The following FSTL4 variants were observed in gnomAD, a reference collection of about 807,000 sequenced individuals.
FSTL4 encodes the protein follistatin like 4.
A neutral mutation model predicts 78.2 loss-of-function variants in FSTL4; 28 were observed. The ratio of observed to expected loss-of-function variants is 0.36; its 90% CI spans 0.27 to 0.49. The LOEUF (loss-of-function observed/expected upper bound fraction) is 0.49, where lower values mean the gene tolerates loss of function less well. Among genes scored for constraint, FSTL4 ranks in the 20% least tolerant of loss-of-function variants. The probability of loss-of-function intolerance (pLI) is 0.98; values close to 1 mark genes in which losing one functional copy is unlikely to be tolerated. For missense variants in FSTL4, 922 were observed against 1,084.9 expected, an observed-to-expected ratio of 0.85 and a Z score of 2.11; for synonymous variants, 422 against 440.5, an observed-to-expected ratio of 0.96 and a Z score of 0.53.
Position 133,339,699 on chromosome 5 carries a change from C to T in FSTL4, c.410-23047G>A, listed in dbSNP as rs370205657. 7.9e-5 allele frequency among the ~76,000 whole-genome samples: 12 copies of T among 152,298 alleles called. 1 individual carries two copies. The South Asian group carries it at 1.5e-3, about 18-fold the overall frequency. On this transcript the variant is annotated intron_variant, in intron 4 of 15. Coordinates refer to ENST00000265342, the MANE Select transcript of FSTL4 (RefSeq NM_015082.2). ...TGAGTCCAGGCTGCCATAGGACAGC[C>T]CCTTGGTAAACTGAACAAGAATACT...
the FSTL4 span, among the ~76,000 whole-genome samples, chr5:133,668,451 T>G: frequency 1.3e-5 from 2 of 152,228 alleles, no homozygotes; most frequent in Non-Finnish European, 1.5e-5. Context: ...AAGAGAGAAG[T>G]ACCTTCTCAG....
chr5:133,280,784 C>A (rs561341695), intron 6 of FSTL4, among the ~76,000 whole-genome samples: 3 of 152,356 alleles, frequency 2.0e-5, no homozygotes, highest in Non-Finnish European at 4.4e-5. Flanking sequence ...CACATTCCAG[C>A]CACGCTGGCC....
At chr5:133,594,494 G>T (rs1254231611) in intron 2 of FSTL4, among the ~76,000 whole-genome samples, 1 of 152,206 alleles carries the variant, frequency 6.6e-6, no homozygotes, top group Non-Finnish European at 1.5e-5. Flanking sequence ...CACCCGGCCA[G>T]AAGCCTGCTC....
intron 1 of FSTL4, among the ~76,000 whole-genome samples, chr5:133,604,583 C>T (rs952795336): frequency 5.3e-5 from 8 of 152,126 alleles, no homozygotes; most frequent in African/African-American, 1.9e-4. Context: ...GTAGCAGGCA[C>T]CTGTAATTCC....
At chr5:133,596,650 T>C (rs1294062277) in intron 2 of FSTL4, among the ~76,000 whole-genome samples, 1 of 151,960 alleles carries the variant, frequency 6.6e-6, no homozygotes, top group Admixed American at 6.6e-5. Flanking sequence ...ATCAAGCAGG[T>C]AGACAGGTGC....
At chr5:133,240,461 C>T (rs1259132605) in intron 7 of FSTL4, among the ~76,000 whole-genome samples, 1 of 152,164 alleles carries the variant, frequency 6.6e-6, no homozygotes, top group Non-Finnish European at 1.5e-5. Flanking sequence ...TGTGAGCAAC[C>T]TGGAGTGGGC....
At chr5:133,746,542 C>CA in the FSTL4 span, among the ~76,000 whole-genome samples, 4 of 152,152 alleles carry the variant, frequency 2.6e-5, no homozygotes, top group East Asian at 7.7e-4. Context: ...TGAGGGGACT[C>CA]ACTCTGGATA....
chr5:133,270,544 G>A (rs892797721), intron 6 of FSTL4, among the ~76,000 whole-genome samples: 1 of 152,208 alleles, frequency 6.6e-6, no homozygotes, highest in African/African-American at 2.4e-5. Context: ...GACTAAATTT[G>A]ATAGGACGTG....
At chr5:133,825,119 T>G in the FSTL4 span, among the ~76,000 whole-genome samples, 1 of 152,162 alleles carries the variant, frequency 6.6e-6, no homozygotes, top group Non-Finnish European at 1.5e-5. Flanking sequence ...AGGGACTCAG[T>G]GCCTCGCTGC....
Position 133,249,400 on chromosome 5 carries a change from G to A in FSTL4, c.894+10C>T, listed in dbSNP as rs747008659. The A allele has an allele frequency of 1.8e-5, 29 of 1,611,256 alleles. No homozygotes were observed. The highest frequency in any genetic ancestry group is 2.2e-5 in the Non-Finnish European group (26 of 1,177,506). On this transcript the variant is annotated intron_variant, in intron 7 of 15. Transcript: ENST00000265342. Reference sequence around the variant, plus strand: ...GCGCTTGAGCTCAGAGTGAATTCCAGGTGACTTACATTGATGTCTTCCAAG... The same window carrying A: ...GCGCTTGAGCTCAGAGTGAATTCCAAGTGACTTACATTGATGTCTTCCAAG...
chr5:133,245,107 G>T (rs34271117), intron 7 of FSTL4, among the ~76,000 whole-genome samples: 1 of 140,196 alleles, frequency 7.1e-6, no homozygotes, highest in South Asian at 2.3e-4. Context: ...GTGACAGAGA[G>T]AGACCCTACT....
At chr5:133,816,947 T>G in the FSTL4 span, among the ~76,000 whole-genome samples, 1 of 152,166 alleles carries the variant, frequency 6.6e-6, no homozygotes, top group South Asian at 2.1e-4. Flanking sequence ...TAAAGACTGC[T>G]GTACTCCAGG....
intron 4 of FSTL4, among the ~76,000 whole-genome samples, chr5:133,345,707 C>T (rs1754684017): frequency 6.6e-6 from 1 of 152,120 alleles, no homozygotes. Flanking sequence ...CATCTTACAC[C>T]AGTTAGAATG....
chr5:133,270,533 G>A (rs555610753), intron 6 of FSTL4, among the ~76,000 whole-genome samples: 1 of 152,284 alleles, frequency 6.6e-6, no homozygotes, highest in East Asian at 1.9e-4. Flanking sequence ...AATACATTCC[G>A]GACTAAATTT....
intron 1 of FSTL4, among the ~76,000 whole-genome samples, chr5:133,608,055 T>G (rs548703120): frequency 1.3e-5 from 2 of 152,200 alleles, no homozygotes; most frequent in East Asian, 3.9e-4. Context: ...CTCCTCAAAT[T>G]CAAATAGTCC....
intron 3 of FSTL4, among the ~76,000 whole-genome samples, chr5:133,454,930 T>G (rs992931205): frequency 6.6e-6 from 1 of 152,244 alleles, no homozygotes; most frequent in African/African-American, 2.4e-5. Flanking sequence ...TTTTCTCTGT[T>G]GACAATCTCC....
At chr5:133,286,398 T>C (rs925080684) in intron 6 of FSTL4, among the ~76,000 whole-genome samples, 13 of 152,212 alleles carry the variant, frequency 8.5e-5, no homozygotes, top group Non-Finnish European at 2.9e-5. Flanking sequence ...CATTCAGGCA[T>C]GTAAAAACAC....
intron 3 of FSTL4, among the ~76,000 whole-genome samples, chr5:133,434,392 A>C (rs1332444756): frequency 6.6e-6 from 1 of 152,232 alleles, no homozygotes; most frequent in South Asian, 2.1e-4. Flanking sequence ...ATCTGGAAGT[A>C]GTTTTATATC....
At chr5:133,398,292 C>T (rs1756126512) in intron 4 of FSTL4, among the ~76,000 whole-genome samples, 1 of 152,196 alleles carries the variant, frequency 6.6e-6, no homozygotes, top group East Asian at 1.9e-4. Context: ...ACCAGGACTA[C>T]AGCTGACCCT....
Sources: gnomAD v4.1 joint callset for allele counts (sites outside exome capture counted in the v4.1 genomes callset) on GRCh38, gnomAD v4.1.1 for gene constraint, MANE v1.5 for transcripts, NCBI Gene and HGNC (gene_info 2026-07-23, HGNC 2026-07-21) for gene names.